TBC1D24: variants seen among roughly 807,000 people sequenced by gnomAD.
TBC1D24 encodes the protein Infantile myoclonic epilepsy.
A neutral mutation model predicts 50.7 loss-of-function variants in TBC1D24; 47 were observed. The observed-to-expected ratio is 0.93, with a 90% CI of 0.73 to 1.18. The LOEUF (loss-of-function observed/expected upper bound fraction) is 1.18. Among genes scored for constraint, TBC1D24 ranks in the 50% most tolerant of loss-of-function variants. The probability of loss-of-function intolerance (pLI) is 0.00; values close to 1 mark genes in which losing one functional copy is unlikely to be tolerated. For synonymous variants in TBC1D24, 324 were observed against 335.2 expected, an observed-to-expected ratio of 0.97 and a Z score of 0.36; for missense variants, 688 against 766.5, an observed-to-expected ratio of 0.90 and a Z score of 1.21.
intron 1 of TBC1D24, chr16:2,478,358 G>T (rs1596951966): frequency 6.6e-6 from 1 of 152,452 alleles, no homozygotes; most frequent in African/African-American, 2.4e-5. Flanking sequence ...GATGGGAAGA[G>T]CCAGGGAGGA....
At position 2,499,381 on chromosome 16, in the gene TBC1D24, T is replaced by C. The variant is rs2065771222; in HGVS notation, c.1167T>C (p.His389=). The C allele has an allele frequency of 2.5e-6, 4 of 1,613,652 alleles. No individual in the cohort carries two copies. The highest frequency in any genetic ancestry group is 3.4e-6 in the Non-Finnish European group (4 of 1,179,862). The change falls in exon 5 of 8, where the codon CAT becomes CAC. Residue 389 remains histidine (H), a synonymous_variant. Transcript: ENST00000646147. This position sits in a 1 kb window ranked among gnomAD's most constrained non-coding sequence, Gnocchi z 4.0. Reference sequence around the variant, plus strand: ...GGTTCTACTTCCAGTGTGAAGGACATGAGCCTACCCTCTTGCTCATCAAGA... The same window carrying C: ...GGTTCTACTTCCAGTGTGAAGGACACGAGCCTACCCTCTTGCTCATCAAGA... ...LARFYFQCEG[H]EPTLLLIKTT...
intron 1 of TBC1D24, among the ~76,000 whole-genome samples, chr16:2,494,192 T>A (rs1374392093): frequency 4.6e-5 from 7 of 152,096 alleles, no homozygotes; most frequent in Non-Finnish European, 1.5e-5. Context: ...GGTGGGTGGA[T>A]CACGAGATCA....
Position 2,496,385 on chromosome 16 carries a change from C to T in TBC1D24, c.237C>T (p.Gly79=). The T allele has an allele frequency of 6.2e-7, 1 of 1,613,252 alleles. No individual in the cohort carries two copies. The highest frequency in any genetic ancestry group is 8.5e-7 in the Non-Finnish European group (1 of 1,179,972). Residue 79 remains glycine, a synonymous_variant, in exon 2 of 8, where the codon GGC becomes GGT. Transcript: ENST00000646147. The part of the protein sequence containing the change: ...PDASVYSDIV[G]KIVGKHSSSC... ...CCAGCGTGTACAGCGACATCGTGGG[C>T]AAGATCGTGGGCAAGCACAGCAGCA...
chr16:2,489,091 A>G (rs1005445804), intron 1 of TBC1D24, among the ~76,000 whole-genome samples: 18 of 147,950 alleles, frequency 1.2e-4, no homozygotes, highest in Admixed American at 4.7e-4. Context: ...AAAACAAGAA[A>G]GAAATATTTG....
chr16:2,489,933 C>T (rs1403785228), intron 1 of TBC1D24, among the ~76,000 whole-genome samples: 3 of 152,248 alleles, frequency 2.0e-5, no homozygotes, highest in East Asian at 1.9e-4. Context: ...ATATAATCCA[C>T]GGGGGCTTGT....
At position 2,496,135 on chromosome 16, in the gene TBC1D24, A is replaced by C; in HGVS notation, c.-14A>C. 6.2e-7 allele frequency: 1 copy of C among 1,613,570 alleles called. No homozygotes were observed. Among genetic ancestry groups the C allele is most frequent in the South Asian group, 1.1e-5 (1 of 90,998 alleles). ...TCCGGCAGTCCAGGGCCTCCTCCCG[A>C]GCACAGCGGCGCTATGGACTCTCCA... On this transcript the variant is annotated 5_prime_UTR_variant, in exon 2 of 8. Coordinates refer to ENST00000646147, the MANE Select transcript of TBC1D24 (RefSeq NM_001199107.2).
intron 1 of TBC1D24, among the ~76,000 whole-genome samples, chr16:2,494,425 A>G (rs1216512880): frequency 6.6e-6 from 1 of 151,848 alleles, no homozygotes; most frequent in Non-Finnish European, 1.5e-5. Context: ...AAAAAAAAAA[A>G]AGGGAGAACT....
At chr16:2,493,177 C>T (rs1596964995) in intron 1 of TBC1D24, among the ~76,000 whole-genome samples, 2 of 151,782 alleles carry the variant, frequency 1.3e-5, no homozygotes, top group Admixed American at 6.6e-5. Context: ...CTTGCTCTGT[C>T]GCCTGGGCTG....
chr16:2,475,350 C>T lies in TBC1D24; in HGVS notation c.-116+180C>T, dbSNP rs2065557383. 6.6e-6 allele frequency among the ~76,000 whole-genome samples: 1 copy of T among 151,438 alleles called. No homozygotes were observed. The highest frequency in any genetic ancestry group is 1.5e-5 in the Non-Finnish European group (1 of 67,742). On this transcript the variant is annotated intron_variant, in intron 1 of 7. Coordinates refer to ENST00000646147, the MANE Select transcript of TBC1D24 (RefSeq NM_001199107.2). The surrounding 1 kb of genome is among the most constrained non-coding windows in gnomAD (Gnocchi z 4.2). ...GGTTGGGGGCTCCAGAGCCCGGCAC[C>T]GCCCGGCGCTGCAGCTGCGGCTTGG...
At chr16:2,488,827 G>A (rs1269678326) in intron 1 of TBC1D24, among the ~76,000 whole-genome samples, 5 of 146,922 alleles carry the variant, frequency 3.4e-5, no homozygotes, top group South Asian at 4.3e-4. Flanking sequence ...TTGGGAGGCC[G>A]AGGCGGGTGG....
Position 2,485,990 on chromosome 16 carries a change from G to C in TBC1D24, c.-115-10044G>C, listed in dbSNP as rs1349847320. Among the ~76,000 whole-genome samples the C allele has an allele frequency of 6.6e-6, 1 of 152,140 alleles. No homozygotes were observed. ...GGCAGGCAACAAAGCTCTCATCCCT[G>C]GATCTTGCGGATCTCGCGCCCGGGC... On this transcript the variant is annotated intron_variant, in intron 1 of 7. Transcript: ENST00000646147. The surrounding 1 kb of genome is among the most constrained non-coding windows in gnomAD (Gnocchi z 4.6).
Position 2,500,270 on chromosome 16 carries a change from G to A in TBC1D24, c.1305G>A (p.Leu435=). 6.2e-7 allele frequency: 1 copy of A among 1,601,436 alleles called. No homozygotes were observed. The highest frequency in any genetic ancestry group is 8.5e-7 in the Non-Finnish European group (1 of 1,174,840). ...FGTGECFVFR[L]QPEVQRYEWV... is the part of the protein sequence containing the mutation. ...CTCACACTCCCCTTCCACCCCAGCT[G>A]CAGCCTGAGGTGCAGCGCTACGAGT... Residue 435 remains leucine (L), a splice_region_variant and synonymous_variant, in exon 7 of 8, where the codon CTG becomes CTA. Coordinates refer to ENST00000646147, the MANE Select transcript of TBC1D24 (RefSeq NM_001199107.2). This position sits in a 1 kb window ranked among gnomAD's most constrained non-coding sequence, Gnocchi z 8.0.
At position 2,496,112 on chromosome 16, in the gene TBC1D24, C is replaced by T. The variant is rs751244710; in HGVS notation, c.-37C>T. 9 of 1,612,462 alleles carry T rather than the reference C, an allele frequency of 5.6e-6. No homozygotes were observed. Among genetic ancestry groups the T allele is most frequent in the South Asian group, 3.3e-5 (3 of 90,734 alleles). ...ATTTAGCCACTCTGTCCTCCCCTTC[C>T]GGCAGTCCAGGGCCTCCTCCCGAGC... On this transcript the variant is annotated 5_prime_UTR_variant, in exon 2 of 8. Transcript: ENST00000646147.
At chr16:2,494,872 ATACT>A (rs1290750545) in intron 1 of TBC1D24, among the ~76,000 whole-genome samples, 1 of 152,094 alleles carries the variant, frequency 6.6e-6, no homozygotes, top group East Asian at 1.9e-4. Context: ...AGCCCTTCTA[ATACT>A]TACACAAAGA....
In TBC1D24 at chr16:2,482,536, G is replaced by A. The variant is rs970213594; in HGVS notation, c.-116+7366G>A. On this transcript the variant is annotated intron_variant, in intron 1 of 7. Coordinates refer to ENST00000646147, the MANE Select transcript of TBC1D24 (RefSeq NM_001199107.2). This position sits in a 1 kb window ranked among gnomAD's most constrained non-coding sequence, Gnocchi z 5.2. ...GTTGGCACTGTGTGGCCAGGGCTCCGGAAGCTGTTGTCCGAGGGGCAGGGA... is the reference window on the plus strand; with the variant it reads ...GTTGGCACTGTGTGGCCAGGGCTCCAGAAGCTGTTGTCCGAGGGGCAGGGA... Among the ~76,000 whole-genome samples, 18 of 152,304 alleles carry A rather than the reference G, an allele frequency of 1.2e-4. No individual in the cohort carries two copies. Among genetic ancestry groups the A allele is most frequent in the African/African-American group, 3.8e-4 (16 of 41,576 alleles).
At position 2,485,069 on chromosome 16, in the gene TBC1D24, C is replaced by T. The variant is rs1258418694; in HGVS notation, c.-116+9899C>T. On this transcript the variant is annotated intron_variant, in intron 1 of 7. Transcript: ENST00000646147. The surrounding 1 kb of genome is among the most constrained non-coding windows in gnomAD (Gnocchi z 4.6). ...AGTGTGTTCTTCCAGCCTCCCTCCA[C>T]CTACTCTCCCAGCACCTCTGTGATG... The T allele has an allele frequency of 6.6e-6, 1 of 152,170 alleles. No homozygotes were observed. The highest frequency in any genetic ancestry group is 6.6e-5 in the Admixed American group (1 of 15,224). 9.4% of individuals were successfully genotyped at this position (152,170 alleles called of 1,614,324 possible). A position where few individuals can be genotyped will look rare whatever the true frequency, so the allele number is the denominator to read the frequency against.
Position 2,486,741 on chromosome 16 carries a change from C to T in TBC1D24, c.-115-9293C>T, listed in dbSNP as rs1473955112. Among the ~76,000 whole-genome samples the T allele has an allele frequency of 1.3e-5, 2 of 152,220 alleles. No homozygotes were observed. The highest frequency in any genetic ancestry group is 4.8e-5 in the African/African-American group (2 of 41,464). ...GCTGCTCTGGCATTTGCCTAAGAAG[C>T]ATCTGTATCGAAACTGGCTTTGAAA... On this transcript the variant is annotated intron_variant, in intron 1 of 7. Transcript: ENST00000646147. This position sits in a 1 kb window ranked among gnomAD's most constrained non-coding sequence, Gnocchi z 5.8.
intron 1 of TBC1D24, chr16:2,476,713 T>A (rs932343293): frequency 6.6e-6 from 1 of 152,234 alleles, no homozygotes; most frequent in Non-Finnish European, 1.5e-5. Context: ...TGGATCAAGG[T>A]CCTTTTGTCG....
Position 2,496,944 on chromosome 16 carries a change from A to C in TBC1D24, c.796A>C (p.Lys266Gln). The change falls in exon 2 of 8, where the codon AAG (lysine) becomes CAG (glutamine). Residue 266 changes from lysine to glutamine, a missense_variant. Coordinates refer to ENST00000646147, the MANE Select transcript of TBC1D24 (RefSeq NM_001199107.2). The part of the protein sequence containing the change: ...AGQPLESDSV[K>Q]QDIRTFVRDI... ...GCAGCCGCTGGAGTCGGACAGCGTG[A>C]AGCAGGACATCCGCACGTTCGTCAG... is the stretch of plus-strand genomic sequence containing the variant. The C allele has an allele frequency of 6.2e-7, 1 of 1,614,008 alleles. No homozygotes were observed. Among genetic ancestry groups the C allele is most frequent in the Non-Finnish European group, 8.5e-7 (1 of 1,180,032 alleles).
Sources: gnomAD v4.1 joint callset for allele counts (sites outside exome capture counted in the v4.1 genomes callset) on GRCh38, gnomAD v4.1.1 for gene constraint, Gnocchi (gnomAD v3.1) non-coding constraint, MANE v1.5 for transcripts, NCBI Gene and HGNC (gene_info 2026-07-23, HGNC 2026-07-21) for gene names.